Variants in WASHC2C observed in about 807,000 individuals in gnomAD.
WASHC2C encodes the protein WASH complex subunit 2C.
A neutral mutation model predicts 142.2 loss-of-function variants in WASHC2C; 73 were observed. The ratio of observed to expected loss-of-function variants is 0.51; its 90% CI spans 0.43 to 0.62. The LOEUF is 0.62. Among genes scored for constraint, WASHC2C ranks in the 20% least tolerant of loss-of-function variants. The probability of loss-of-function intolerance (pLI) is 0.00; values close to 1 mark genes in which losing one functional copy is unlikely to be tolerated. For synonymous variants in WASHC2C, 337 were observed against 565.5 expected, an observed-to-expected ratio of 0.60 and a Z score of 5.73; for missense variants, 969 against 1,531.7, an observed-to-expected ratio of 0.63 and a Z score of 6.13.
At chr10:45,784,252 G>GTGTATATATATATATA (rs1554888863) in intron 23 of WASHC2C, among the ~76,000 whole-genome samples, 1 of 40,736 alleles carries the variant, frequency 2.5e-5, no homozygotes, top group African/African-American at 7.7e-5. Flanking sequence ...GTGTGTGTGT[G>GTGTATATATATATATA]TATATATATA....
chr10:45,785,611 T>C lies in WASHC2C; in HGVS notation c.2791T>C (p.Trp931Arg). The change falls in exon 26 of 31, where the codon TGG becomes CGG. Residue 931 changes from tryptophan (W) to arginine (R), a missense_variant. By Grantham distance (101) the Trp-to-Arg change is moderately radical. Coordinates refer to ENST00000623400, the MANE Select transcript of WASHC2C (RefSeq NM_001330074.2). ...TCAAGGTAGTAAAGAAAAAGGCATA[T>C]GGAAGCCGGAAACACCTCAGGTTAG... ...SIQGSKEKGI[W>R]KPETPQDSSG... The C allele has an allele frequency of 1.2e-6, 2 of 1,613,856 alleles. No homozygotes were observed.
At chr10:45,780,660 G>A (rs1554887734) in intron 23 of WASHC2C, among the ~76,000 whole-genome samples, 1 of 151,970 alleles carries the variant, frequency 6.6e-6, no homozygotes, top group South Asian at 2.1e-4. Flanking sequence ...CATTAAGATT[G>A]AAGGATGTAA....
intron 18 of WASHC2C, among the ~76,000 whole-genome samples, chr10:45,764,892 ATTACCGC>A (rs112617653): frequency 4.6e-5 from 7 of 151,148 alleles, no homozygotes; most frequent in Admixed American, 1.3e-4. Flanking sequence ...CCTGTCCTAC[ATTACCGC>A]ACTCTCCTTA....
intron 2 of WASHC2C, among the ~76,000 whole-genome samples, chr10:45,728,385 C>A (rs1208837605): frequency 6.6e-6 from 1 of 152,152 alleles, no homozygotes; most frequent in African/African-American, 2.4e-5. Context: ...TAGCTCACTG[C>A]CACTCTTTTG....
At chr10:45,786,792 C>T (rs2058076531) in intron 27 of WASHC2C, 118 bp downstream of exon 27, 12 of 1,576,780 alleles carry the variant, frequency 7.6e-6, no homozygotes, top group Middle Eastern at 2.3e-4. Context: ...CGCCTCCCCT[C>T]CCCTGCACCT....
rs1361527050 is a variant in WASHC2C, at chr10:45,789,223, G to A, written c.3440G>A (p.Arg1147Lys). ...GGCACTGGATCTCAGTCCGTGGAGAGAACAAAACCCAAGGCAAAGATAGCA... is the reference window on the plus strand; with the variant it reads ...GGCACTGGATCTCAGTCCGTGGAGAAAACAAAACCCAAGGCAAAGATAGCA... ...STGTGSQSVE[R>K]TKPKAKIAEN... is the part of the protein sequence containing the mutation. Residue 1147 changes from arginine to lysine, a missense_variant, in exon 29 of 31, where the codon AGA (arginine) becomes AAA (lysine). Transcript: ENST00000623400. 71 of 1,611,932 alleles carry A rather than the reference G, an allele frequency of 4.4e-5. 1 individual carries two copies. In the African/African-American group the frequency reaches 8.3e-4, roughly 19 times the overall value.
intron 16 of WASHC2C, among the ~76,000 whole-genome samples, chr10:45,759,073 TG>T (rs1473162279): frequency 7.1e-6 from 1 of 140,842 alleles, no homozygotes; most frequent in African/African-American, 2.6e-5. Flanking sequence ...TCATTGCATA[TG>T]TCCCATCTGT....
intron 7 of WASHC2C, among the ~76,000 whole-genome samples, chr10:45,745,408 T>C (rs2052696373): frequency 6.6e-6 from 1 of 152,150 alleles, no homozygotes; most frequent in Non-Finnish European, 1.5e-5. Context: ...TGACTACAGT[T>C]GAATCTGTAG....
intron 20 of WASHC2C, among the ~76,000 whole-genome samples, chr10:45,770,228 A>G (rs1213029256): frequency 6.9e-6 from 1 of 143,958 alleles, no homozygotes; most frequent in Middle Eastern, 3.2e-3. Context: ...GCAACGGAGC[A>G]AGACTCCATC....
In WASHC2C at chr10:45,736,803, T is replaced by A. The variant is rs546917806; in HGVS notation, c.292-1180T>A. The stretch of plus-strand genomic sequence containing the variant: ...GTGCCTTTATATTGACTTAAAATTT[T>A]AAAAATTGAGATAGAATTCACATAC... On this transcript the variant is annotated intron_variant, in intron 3 of 30. Coordinates refer to ENST00000623400, the MANE Select transcript of WASHC2C (RefSeq NM_001330074.2). Among the ~76,000 whole-genome samples, 5 of 152,224 alleles carry A rather than the reference T, an allele frequency of 3.3e-5. No individual in the cohort carries two copies. The East Asian group carries it at 7.7e-4, about 23-fold the overall frequency.
chr10:45,790,594 T>C, intron 30 of WASHC2C, 61 bp downstream of exon 30: 1 of 1,611,960 alleles, frequency 6.2e-7, no homozygotes, highest in African/African-American at 1.3e-5. Flanking sequence ...CTTGGTATTT[T>C]TCCTGCTACC....
At position 45,759,531 on chromosome 10, in the gene WASHC2C, C is replaced by A. The variant is rs561251120; in HGVS notation, c.1635+130C>A. ...AGTACTCCAGTTCTTTAAAAATTAT[C>A]TCTAGAGGCAAGGAGTGGTGGTTCA... On this transcript the variant is annotated intron_variant, in intron 17 of 30. Coordinates refer to ENST00000623400, the MANE Select transcript of WASHC2C (RefSeq NM_001330074.2). 252 of 1,469,582 alleles carry A rather than the reference C, an allele frequency of 1.7e-4. 3 individuals carry two copies. The South Asian group carries it at 2.7e-3, about 15-fold the overall frequency. The allele number at this position is 1,469,582 out of a possible 1,614,324, so 91.0% of individuals were successfully genotyped here.
At chr10:45,742,137 G>A (rs2052152837) in intron 5 of WASHC2C, among the ~76,000 whole-genome samples, 1 of 152,016 alleles carries the variant, frequency 6.6e-6, no homozygotes, top group Admixed American at 6.6e-5. Context: ...GGACTGACAG[G>A]AGTAGACGGC....
At chr10:45,766,601 T>C (rs550440762) in intron 19 of WASHC2C, among the ~76,000 whole-genome samples, 267 of 144,184 alleles carry the variant, frequency 1.9e-3, no homozygotes, top group South Asian at 3.8e-3. Flanking sequence ...AAATGACTAC[T>C]GTGTTTCATT....
intron 11 of WASHC2C, among the ~76,000 whole-genome samples, chr10:45,752,068 T>G (rs1366215623): frequency 6.6e-6 from 1 of 152,210 alleles, no homozygotes; most frequent in Non-Finnish European, 1.5e-5. Flanking sequence ...TTTGATTTAT[T>G]AGATTTTACA....
intron 11 of WASHC2C, among the ~76,000 whole-genome samples, chr10:45,752,277 C>G (rs1196781038): frequency 6.6e-6 from 1 of 152,296 alleles, no homozygotes; most frequent in Non-Finnish European, 1.5e-5. Flanking sequence ...GGGAATGGGT[C>G]TTGAATGTGG....
intron 19 of WASHC2C, among the ~76,000 whole-genome samples, chr10:45,766,371 G>GAA (rs1212047592): frequency 6.7e-6 from 1 of 149,486 alleles, no homozygotes; most frequent in Non-Finnish European, 1.5e-5. Flanking sequence ...TTACAAATAA[G>GAA]GAGGCTCCTT....
chr10:45,765,728 A>G lies in WASHC2C; in HGVS notation c.1787A>G (p.Gln596Arg), dbSNP rs782627593. Residue 596 changes from glutamine (Q) to arginine (R), a missense_variant, in exon 19 of 31, where the codon CAA becomes CGA. Gln to Arg is a conservative substitution (Grantham distance 43). Transcript: ENST00000623400. Reference protein sequence around the residue: ...TAAKKQTLSLQAQREEKAKAS... With the variant: ...TAAKKQTLSLRAQREEKAKAS... ...GCTAAGAAGCAGACATTGTCTCTAC[A>G]AGCTCAGAGAGAAGAGAAAGCAAAA... The G allele has an allele frequency of 1.9e-6, 3 of 1,612,058 alleles. No homozygotes were observed. Among genetic ancestry groups the G allele is most frequent in the Non-Finnish European group, 2.5e-6 (3 of 1,179,870 alleles).
intron 8 of WASHC2C, among the ~76,000 whole-genome samples, chr10:45,748,047 ATTTCT>A (rs1367180898): frequency 3.2e-4 from 39 of 120,680 alleles, no homozygotes; most frequent in East Asian, 2.3e-4. Flanking sequence ...ATTATTTTAA[ATTTCT>A]TTTAGTTAAA....
Sources: gnomAD v4.1 joint callset for allele counts (sites outside exome capture counted in the v4.1 genomes callset) on GRCh38, gnomAD v4.1.1 for gene constraint, MANE v1.5 for transcripts, NCBI Gene and HGNC (gene_info 2026-07-23, HGNC 2026-07-21) for gene names.